FOXP1: variants seen among roughly 807,000 people sequenced by gnomAD.
FOXP1 encodes the protein forkhead box P1.
FOXP1 carries 15 observed loss-of-function variants against 98.2 expected under a neutral mutation model. That is an observed-to-expected ratio of 0.15 (90% CI 0.10 to 0.24). The LOEUF is 0.24. Among genes scored for constraint, FOXP1 ranks in the 10% least tolerant of loss-of-function variants. The probability of loss-of-function intolerance (pLI) is 1.00; values close to 1 mark genes in which losing one functional copy is unlikely to be tolerated. For synonymous variants in FOXP1, 371 were observed against 314.5 expected, an observed-to-expected ratio of 1.18 and a Z score of -1.90; for missense variants, 633 against 848.5, an observed-to-expected ratio of 0.75 and a Z score of 3.15.
chr3:70,966,155 T>C (rs1039069161), intron 19 of FOXP1, 99 bp from the exon 20 acceptor site: 1 of 1,096,386 alleles, frequency 9.1e-7, no homozygotes, highest in South Asian at 1.3e-5. Context: ...TTTGAGTTAA[T>C]TGTAGCATGG....
rs377533401 is a variant in FOXP1 at position 71,225,781 on chromosome 3, T to C, written c.-11-27389A>G. Among the ~76,000 whole-genome samples, 4 of 152,166 alleles carry C rather than the reference T, an allele frequency of 2.6e-5. No individual in the cohort carries two copies. In the East Asian group the frequency reaches 7.7e-4, roughly 29 times the overall value. On this transcript the variant is annotated intron_variant, in intron 5 of 20. Coordinates refer to ENST00000649528, the MANE Select transcript of FOXP1 (RefSeq NM_001349338.3). ...ACTAATGGTGGAGGAAACAAATCTT[T>C]TGAACAGTGGAGACATGAACAGAAA... is the stretch of plus-strand genomic sequence containing the variant.
At chr3:71,200,400 T>G (rs1441123523) in intron 5 of FOXP1, among the ~76,000 whole-genome samples, 3 of 152,190 alleles carry the variant, frequency 2.0e-5, no homozygotes, top group African/African-American at 7.2e-5. Context: ...AGTTATTTAG[T>G]TTGTCCACTA....
Position 71,483,744 on chromosome 3 carries a change from C to T in FOXP1, c.-168+9682G>A, listed in dbSNP as rs114663770. On this transcript the variant is annotated intron_variant, in intron 3 of 20. Coordinates refer to ENST00000649528, the MANE Select transcript of FOXP1 (RefSeq NM_001349338.3). ...TATCTGGCTCTTTACAGAAAAGATTCGCTGATCCCTGTTACAGGCAGAAAT... is the reference window on the plus strand; with the variant it reads ...TATCTGGCTCTTTACAGAAAAGATTTGCTGATCCCTGTTACAGGCAGAAAT... Among the ~76,000 whole-genome samples, 1,341 of 152,210 alleles carry T rather than the reference C, an allele frequency of 8.8e-3. 16 individuals carry two copies. Among genetic ancestry groups the T allele is most frequent in the Admixed American group, 0.015 (235 of 15,280 alleles).
chr3:71,173,859 G>A (rs1394578436), intron 6 of FOXP1, among the ~76,000 whole-genome samples: 1 of 152,142 alleles, frequency 6.6e-6, no homozygotes, highest in Non-Finnish European at 1.5e-5. Context: ...AATGGGAGTT[G>A]GGAAACCAAC....
intron 2 of FOXP1, among the ~76,000 whole-genome samples, chr3:71,497,162 AC>A (rs879372927): frequency 4.6e-5 from 7 of 152,072 alleles, no homozygotes; most frequent in Non-Finnish European, 8.8e-5. Flanking sequence ...AGAGGCAAAA[AC>A]AAAAAAGAAA....
At chr3:71,249,474 T>A (rs2068018501) in intron 5 of FOXP1, among the ~76,000 whole-genome samples, 1 of 152,354 alleles carries the variant, frequency 6.6e-6, no homozygotes, top group South Asian at 2.1e-4. Flanking sequence ...CTGTTATTAT[T>A]TCCATTTTGA....
intron 3 of FOXP1, among the ~76,000 whole-genome samples, chr3:71,404,074 G>A (rs1396383949): frequency 1.3e-5 from 2 of 151,010 alleles, no homozygotes; most frequent in Non-Finnish European, 1.5e-5. Flanking sequence ...AGGAGGGGAT[G>A]GGCAATGGAG....
chr3:71,136,951 G>C (rs2059847122), intron 6 of FOXP1, among the ~76,000 whole-genome samples: 1 of 152,152 alleles, frequency 6.6e-6, no homozygotes, highest in African/African-American at 2.4e-5. Context: ...ACCACTATCA[G>C]CATAAGGATG....
At chr3:71,163,848 T>C (rs1434990998) in intron 6 of FOXP1, among the ~76,000 whole-genome samples, 1 of 147,330 alleles carries the variant, frequency 6.8e-6, no homozygotes, top group Non-Finnish European at 1.5e-5. Context: ...ATAGAAGCCA[T>C]GCACTTGCCC....
At chr3:71,186,634 C>T (rs967750131) in intron 6 of FOXP1, among the ~76,000 whole-genome samples, 1 of 152,148 alleles carries the variant, frequency 6.6e-6, no homozygotes, top group Non-Finnish European at 1.5e-5. Context: ...TCTCTTGAAC[C>T]CGGGAGGTGG....
chr3:71,005,838 GTA>G (rs905325136), intron 12 of FOXP1, among the ~76,000 whole-genome samples: 1 of 152,100 alleles, frequency 6.6e-6, no homozygotes, highest in African/African-American at 2.4e-5. Flanking sequence ...CAGCCTCGAA[GTA>G]TACAGCACAC....
intron 6 of FOXP1, among the ~76,000 whole-genome samples, chr3:71,114,985 T>C (rs939959214): frequency 6.6e-6 from 1 of 152,226 alleles, no homozygotes; most frequent in Non-Finnish European, 1.5e-5. Flanking sequence ...CTTCTCCTAC[T>C]ATATATGTTC....
intron 3 of FOXP1, among the ~76,000 whole-genome samples, chr3:71,423,032 C>G (rs1388796870): frequency 6.6e-6 from 1 of 152,142 alleles, no homozygotes; most frequent in Non-Finnish European, 1.5e-5. Context: ...AGCCCAACAC[C>G]CAGCCCAATA....
chr3:71,107,517 A>C (rs1400290762), intron 7 of FOXP1, among the ~76,000 whole-genome samples: 1 of 152,196 alleles, frequency 6.6e-6, no homozygotes, highest in Non-Finnish European at 1.5e-5. Context: ...ATGTGATAAC[A>C]GTAACATCTT....
chr3:71,079,039 A>G (rs1257314084), intron 7 of FOXP1, among the ~76,000 whole-genome samples: 1 of 152,130 alleles, frequency 6.6e-6, no homozygotes, highest in Non-Finnish European at 1.5e-5. Context: ...CCTTCCTGCT[A>G]AAGTCCTAAA....
At chr3:71,290,046 G>C (rs2072577962) in intron 5 of FOXP1, 1 of 152,132 alleles carries the variant, frequency 6.6e-6, no homozygotes, top group Non-Finnish European at 1.5e-5. Flanking sequence ...ACCAAGCTAG[G>C]ACATTTCCAG....
At chr3:71,239,138 C>G (rs1184123114) in intron 5 of FOXP1, among the ~76,000 whole-genome samples, 2 of 152,110 alleles carry the variant, frequency 1.3e-5, no homozygotes, top group East Asian at 3.9e-4. Flanking sequence ...TGCATTTGAG[C>G]TTGGTCTGTA....
At chr3:71,491,747 C>T (rs757023294) in intron 3 of FOXP1, among the ~76,000 whole-genome samples, 11 of 152,200 alleles carry the variant, frequency 7.2e-5, no homozygotes, top group East Asian at 3.9e-4. Context: ...ATATTTGAGC[C>T]GGTTGCTTCA....
intron 5 of FOXP1, among the ~76,000 whole-genome samples, chr3:71,257,503 T>C (rs2068729946): frequency 6.6e-6 from 1 of 151,266 alleles, no homozygotes; most frequent in Non-Finnish European, 1.5e-5. Flanking sequence ...GAGAATTGCT[T>C]GAACCCAGGA....
Sources: gnomAD v4.1 joint callset for allele counts (sites outside exome capture counted in the v4.1 genomes callset) on GRCh38, gnomAD v4.1.1 for gene constraint, MANE v1.5 for transcripts, NCBI Gene and HGNC (gene_info 2026-07-23, HGNC 2026-07-21) for gene names.